PTPRD: variants seen among roughly 807,000 people sequenced by gnomAD.
PTPRD encodes the protein receptor-type tyrosine-protein phosphatase delta.
PTPRD carries 34 observed loss-of-function variants against 214.5 expected under a neutral mutation model. The ratio of observed to expected loss-of-function variants is 0.16; its 90% CI spans 0.12 to 0.21. The LOEUF (loss-of-function observed/expected upper bound fraction) is 0.21. PTPRD is among the 10% of genes least tolerant of loss of function. The probability of loss-of-function intolerance (pLI) is 1.00; values close to 1 mark genes in which losing one functional copy is unlikely to be tolerated. For missense variants in PTPRD, 2,545 were observed against 2,398.7 expected, an observed-to-expected ratio of 1.06 and a Z score of -1.27; for synonymous variants, 1,128 against 845.7, an observed-to-expected ratio of 1.33 and a Z score of -5.79.
intron 37 of PTPRD, among the ~76,000 whole-genome samples, chr9:8,383,877 A>G (rs556105720): frequency 6.6e-6 from 1 of 152,336 alleles, no homozygotes; most frequent in African/African-American, 2.4e-5. Context: ...AGTAAAAGTC[A>G]GATATATTCT....
intron 11 of PTPRD, among the ~76,000 whole-genome samples, chr9:8,971,163 C>T (rs2099235841): frequency 6.6e-6 from 1 of 151,430 alleles, no homozygotes; most frequent in South Asian, 2.1e-4. Flanking sequence ...ACATTTTAAC[C>T]CAAGTAATTT....
chr9:9,976,277 A>C (rs550896422), intron 4 of PTPRD, among the ~76,000 whole-genome samples: 1 of 152,308 alleles, frequency 6.6e-6, no homozygotes, highest in South Asian at 2.1e-4. Context: ...CAGCCATTTT[A>C]AATTTTAGTC....
intron 11 of PTPRD, among the ~76,000 whole-genome samples, chr9:8,840,656 T>C (rs963434062): frequency 1.3e-5 from 2 of 152,232 alleles, no homozygotes; most frequent in African/African-American, 4.8e-5. Flanking sequence ...TTAATCAGAA[T>C]GTGAACTACC....
At chr9:9,483,475 A>C (rs921901440) in intron 8 of PTPRD, among the ~76,000 whole-genome samples, 3 of 152,190 alleles carry the variant, frequency 2.0e-5, no homozygotes, top group Admixed American at 1.3e-4. Flanking sequence ...AGCATGCATA[A>C]AGTAATAAAA....
chr9:10,577,600 T>A (rs761494373), intron 2 of PTPRD, among the ~76,000 whole-genome samples: 1 of 152,202 alleles, frequency 6.6e-6, no homozygotes, highest in Non-Finnish European at 1.5e-5. Context: ...AATGAAATAA[T>A]GAATTTTAAT....
At chr9:8,736,618 A>G (rs965675175) in intron 11 of PTPRD, among the ~76,000 whole-genome samples, 1 of 152,100 alleles carries the variant, frequency 6.6e-6, no homozygotes, top group South Asian at 2.1e-4. Flanking sequence ...TACCTTTTTT[A>G]TTAGTATTCA....
chr9:9,547,982 G>C (rs2079206706), intron 8 of PTPRD, among the ~76,000 whole-genome samples: 1 of 151,990 alleles, frequency 6.6e-6, no homozygotes. Context: ...CAAGACAAAG[G>C]ACAATGAAAC....
chr9:9,448,260 G>A (rs866523627), intron 8 of PTPRD, among the ~76,000 whole-genome samples: 11 of 151,988 alleles, frequency 7.2e-5, no homozygotes, highest in South Asian at 2.1e-4. Context: ...TTGGCTATGT[G>A]TCCCCACCCA....
intron 8 of PTPRD, among the ~76,000 whole-genome samples, chr9:9,422,763 G>C (rs1162447322): frequency 6.6e-6 from 1 of 152,292 alleles, no homozygotes; most frequent in East Asian, 1.9e-4. Context: ...CGAGAGAAGA[G>C]AGGAACCCAG....
At chr9:10,311,553 C>T (rs1399261715) in intron 3 of PTPRD, among the ~76,000 whole-genome samples, 1 of 151,956 alleles carries the variant, frequency 6.6e-6, no homozygotes, top group Non-Finnish European at 1.5e-5. Context: ...CTCATTCTAT[C>T]CTGCATTTAC....
intron 8 of PTPRD, among the ~76,000 whole-genome samples, chr9:9,465,520 G>A (rs2094069503): frequency 6.6e-6 from 1 of 152,110 alleles, no homozygotes; most frequent in Non-Finnish European, 1.5e-5. Context: ...AATTTAAGTA[G>A]CTATATCAGA....
At chr9:8,595,395 G>C (rs1388894440) in intron 14 of PTPRD, among the ~76,000 whole-genome samples, 1 of 152,094 alleles carries the variant, frequency 6.6e-6, no homozygotes, top group African/African-American at 2.4e-5. Flanking sequence ...GAGAGAGACA[G>C]TTTAGAATTT....
chr9:9,002,879 C>G (rs1260807818), intron 11 of PTPRD, among the ~76,000 whole-genome samples: 3 of 152,056 alleles, frequency 2.0e-5, no homozygotes, highest in Non-Finnish European at 4.4e-5. Context: ...TGCTATCTCC[C>G]TCCTTAGATT....
intron 14 of PTPRD, among the ~76,000 whole-genome samples, chr9:8,592,434 C>A (rs1451670002): frequency 6.6e-6 from 1 of 152,158 alleles, no homozygotes; most frequent in East Asian, 1.9e-4. Flanking sequence ...TGAGTAACTG[C>A]TTGCCACTGA....
At chr9:8,582,006 A>C (rs780069156) in intron 14 of PTPRD, among the ~76,000 whole-genome samples, 18 of 152,016 alleles carry the variant, frequency 1.2e-4, no homozygotes, top group South Asian at 1.0e-3. Flanking sequence ...AAAAGAATAA[A>C]AGTTTATGTC....
chr9:10,482,208 A>G (rs1013140368), intron 2 of PTPRD, among the ~76,000 whole-genome samples: 4 of 151,742 alleles, frequency 2.6e-5, no homozygotes, highest in Admixed American at 1.3e-4. Flanking sequence ...CATCTCTACT[A>G]AAAATACAAA....
intron 2 of PTPRD, among the ~76,000 whole-genome samples, chr9:10,463,726 C>G (rs34505179): frequency 6.6e-6 from 1 of 151,592 alleles, no homozygotes; most frequent in Admixed American, 6.6e-5. Flanking sequence ...CAGACACTAA[C>G]AGAGGAATAA....
At chr9:8,545,983 T>C (rs1450684328) in intron 14 of PTPRD, among the ~76,000 whole-genome samples, 1 of 152,176 alleles carries the variant, frequency 6.6e-6, no homozygotes, top group African/African-American at 2.4e-5. Context: ...TCCAAGCACA[T>C]AATATCACCA....
At chr9:8,861,348 A>G (rs2098101206) in intron 11 of PTPRD, 1 of 152,232 alleles carries the variant, frequency 6.6e-6, no homozygotes, top group Non-Finnish European at 1.5e-5. Flanking sequence ...TTGCGAATCT[A>G]GTGGGTCATA....
Sources: gnomAD v4.1 joint callset for allele counts (sites outside exome capture counted in the v4.1 genomes callset) on GRCh38, gnomAD v4.1.1 for gene constraint, MANE v1.5 for transcripts, NCBI Gene and HGNC (gene_info 2026-07-23, HGNC 2026-07-21) for gene names.